EDNRB: variants seen among roughly 807,000 people sequenced by gnomAD.
EDNRB encodes the protein Hirschsprung disease 2.
Under a neutral mutation model 46.4 loss-of-function variants are expected in EDNRB, and 18 were observed. The ratio of observed to expected loss-of-function variants is 0.39; its 90% CI spans 0.27 to 0.57. EDNRB has a LOEUF of 0.57. Among genes scored for constraint, EDNRB ranks in the 20% least tolerant of loss-of-function variants. The pLI is 0.61. For missense variants in EDNRB, 434 were observed against 537.5 expected (o/e 0.81, Z 1.90); for synonymous variants, 213 against 204.9 (o/e 1.04, Z -0.34).
intron 1 of EDNRB, among the ~76,000 whole-genome samples, chr13:77,941,375 G>A (rs1311213749): frequency 6.6e-6 from 1 of 152,116 alleles, no homozygotes; most frequent in African/African-American, 2.4e-5. Context: ...GGTATGGTTG[G>A]TTTGTCTATT....
Position 77,901,089 on chromosome 13 carries a change from A to G in EDNRB, c.920T>C (p.Met307Thr). Residue 307 changes from methionine to threonine, a missense_variant, in exon 4 of 7, where the codon ATG becomes ACG. Met to Thr is a moderately conservative substitution (Grantham distance 81, BLOSUM62 -1). Transcript: ENST00000646607. Reference protein sequence around the residue: ...TCEMLRKKSGMQIALNDHLKQ... With the variant: ...TCEMLRKKSGTQIALNDHLKQ... ...TAGGTGATCATTTAAAGCAATCTGCATGCCACTTTTCTTTCTCAACATTTC... is the reference window on the plus strand; with the variant it reads ...TAGGTGATCATTTAAAGCAATCTGCGTGCCACTTTTCTTTCTCAACATTTC... The G allele has an allele frequency of 5.0e-6, 8 of 1,611,330 alleles. No homozygotes were observed. Among genetic ancestry groups the G allele is most frequent in the South Asian group, 1.1e-5 (1 of 91,016 alleles).
chr13:77,952,311 T>C (rs1331385692), intron 1 of EDNRB, among the ~76,000 whole-genome samples: 1 of 152,204 alleles, frequency 6.6e-6, no homozygotes, highest in African/African-American at 2.4e-5. Context: ...AGTTTCTTCA[T>C]TACTATATTT....
chr13:77,925,623 G>C (rs1237747125), intron 1 of EDNRB, among the ~76,000 whole-genome samples: 1 of 152,348 alleles, frequency 6.6e-6, no homozygotes, highest in African/African-American at 2.4e-5. Flanking sequence ...CAGAAGACGT[G>C]TGGAAACGCC....
chr13:77,899,417 TA>T (rs1226529847), intron 6 of EDNRB: 2 of 56,380 alleles, frequency 3.5e-5, no homozygotes, highest in African/African-American at 2.6e-4. Context: ...AAACCTAAAC[TA>T]TTTTTTTTTT....
At chr13:77,925,753 G>A (rs972388558) in intron 1 of EDNRB, among the ~76,000 whole-genome samples, 1 of 152,210 alleles carries the variant, frequency 6.6e-6, no homozygotes, top group South Asian at 2.1e-4. Context: ...CTGGGGCACC[G>A]CCTACTGGAG....
chr13:77,911,221 A>C (rs1319977947), intron 1 of EDNRB, among the ~76,000 whole-genome samples: 1 of 152,078 alleles, frequency 6.6e-6, no homozygotes, highest in East Asian at 1.9e-4. Flanking sequence ...CTGAAGACAC[A>C]GAAGAATGAG....
At chr13:77,914,958 G>A (rs556158935) in intron 1 of EDNRB, among the ~76,000 whole-genome samples, 13 of 152,130 alleles carry the variant, frequency 8.5e-5, no homozygotes, top group Non-Finnish European at 1.8e-4. Context: ...AAGAGAGTAG[G>A]AGAATTTCAC....
At chr13:77,899,195 G>A (rs12720199) in intron 6 of EDNRB, among the ~76,000 whole-genome samples, 2,390 of 151,868 alleles carry the variant, frequency 0.016, 58 homozygotes, top group African/African-American at 0.055. Context: ...TAGTGTTTAC[G>A]CGGGAGCTAC....
At chr13:77,955,218 A>G (rs77774523) in intron 1 of EDNRB, among the ~76,000 whole-genome samples, 5,680 of 152,196 alleles carry the variant, frequency 0.037, 349 homozygotes, top group African/African-American at 0.13. Context: ...GCATTTCCCT[A>G]ATGATTAGTG....
intron 1 of EDNRB, among the ~76,000 whole-genome samples, chr13:77,971,596 T>C (rs541893929): frequency 6.6e-6 from 1 of 152,210 alleles, no homozygotes; most frequent in African/African-American, 2.4e-5. Flanking sequence ...TTTTTTTTTT[T>C]TTTTTAACTC....
rs146693258 is a variant in EDNRB, at chr13:77,896,841, A to T, written c.*1359T>A. The T allele has an allele frequency of 9.1e-7, 1 of 1,102,312 alleles. No individual in the cohort carries two copies. The highest frequency in any genetic ancestry group is 1.1e-6 in the Non-Finnish European group (1 of 905,820). The allele number at this position is 1,102,312 out of a possible 1,614,324, so 68.3% of individuals were successfully genotyped here. Reference sequence around the variant, plus strand: ...ATCTCATCCCAAGCTATCCTAAGGCACTTTGCTTAGAAGATATAAAAATTA... The same window carrying T: ...ATCTCATCCCAAGCTATCCTAAGGCTCTTTGCTTAGAAGATATAAAAATTA... On this transcript the variant is annotated 3_prime_UTR_variant, in exon 7 of 7. Coordinates refer to ENST00000646607, the MANE Select transcript of EDNRB (RefSeq NM_001122659.3).
At chr13:77,974,413 G>T (rs900905814) in intron 1 of EDNRB, among the ~76,000 whole-genome samples, 10 of 152,152 alleles carry the variant, frequency 6.6e-5, no homozygotes, top group African/African-American at 2.2e-4. Context: ...TGATAGGAAG[G>T]CCTCAGTGCT....
intron 1 of EDNRB, among the ~76,000 whole-genome samples, chr13:77,914,983 T>C (rs1879738656): frequency 6.6e-6 from 1 of 152,208 alleles, no homozygotes; most frequent in Non-Finnish European, 1.5e-5. Context: ...CCCCAGAAAT[T>C]GTGTATATTG....
chr13:77,900,603 A>C lies in EDNRB; in HGVS notation c.1003T>G (p.Cys335Gly). The C allele has an allele frequency of 6.2e-7, 1 of 1,612,666 alleles. No homozygotes were observed. Among genetic ancestry groups the C allele is most frequent in the Non-Finnish European group, 8.5e-7 (1 of 1,179,142 alleles). ...VFCLVLVFALCWLPLHLSRIL... is the reference protein window; with the variant it reads ...VFCLVLVFALGWLPLHLSRIL... ...CTGCTGAGGTGAAGGGGAAGCCAGC[A>C]GAGGGCAAAGACAAGGACCAGGCAA... The change falls in exon 5 of 7, where the codon TGC (cysteine) becomes GGC (glycine). Residue 335 changes from cysteine (C) to glycine (G), a missense_variant. Cys to Gly is a radical substitution (Grantham distance 159). Transcript: ENST00000646607.
intron 1 of EDNRB, among the ~76,000 whole-genome samples, chr13:77,972,124 G>T (rs1457862056): frequency 2.0e-5 from 3 of 152,192 alleles, no homozygotes; most frequent in Admixed American, 2.0e-4. Context: ...CCCACAGGGT[G>T]CCAGACTTTG....
chr13:77,900,289 C>T (rs1462543653), intron 5 of EDNRB, among the ~76,000 whole-genome samples: 3 of 151,758 alleles, frequency 2.0e-5, no homozygotes, highest in South Asian at 2.1e-4. Flanking sequence ...TGACATTTTC[C>T]GCCTTGGCAC....
At chr13:77,902,129 A>C (rs1485548403) in intron 3 of EDNRB, among the ~76,000 whole-genome samples, 1 of 151,934 alleles carries the variant, frequency 6.6e-6, no homozygotes, top group Admixed American at 6.6e-5. Context: ...TTGCAATGGC[A>C]GCTTTCTTTT....
Position 77,918,247 on chromosome 13 carries a change from G to A in EDNRB, c.327C>T (p.Cys109=). ...TFKYINTVVS[C]LVFVLGIIGN... is the part of the protein sequence containing the mutation. ...CGATGATCCCCAGCACGAACACAAG[G>A]CAGGACACAACCGTGTTGATGTATT... Residue 109 remains cysteine (C), a synonymous_variant, in exon 1 of 7, where the codon TGC becomes TGT. Transcript: ENST00000646607. This position sits in a 1 kb window ranked among gnomAD's most constrained non-coding sequence, Gnocchi z 4.5. The A allele has an allele frequency of 3.1e-6, 5 of 1,614,098 alleles. No individual in the cohort carries two copies. Among genetic ancestry groups the A allele is most frequent in the Non-Finnish European group, 4.2e-6 (5 of 1,180,030 alleles).
intron 1 of EDNRB, among the ~76,000 whole-genome samples, chr13:77,907,643 T>A (rs1183703605): frequency 1.3e-5 from 2 of 152,036 alleles, no homozygotes; most frequent in Non-Finnish European, 2.9e-5. Context: ...TAAAATATTT[T>A]ATTCTGTCTT....
Sources: gnomAD v4.1 joint callset for allele counts (sites outside exome capture counted in the v4.1 genomes callset) on GRCh38, gnomAD v4.1.1 for gene constraint, Gnocchi (gnomAD v3.1) non-coding constraint, MANE v1.5 for transcripts, NCBI Gene and HGNC (gene_info 2026-07-23, HGNC 2026-07-21) for gene names.